Variants in ROCK1 observed in about 807,000 individuals in gnomAD.
ROCK1 encodes the protein rho-associated protein kinase 1.
Under a neutral mutation model 196.8 loss-of-function variants are expected in ROCK1, and 36 were observed. The ratio of observed to expected loss-of-function variants is 0.18; its 90% CI spans 0.14 to 0.24. ROCK1 has a LOEUF of 0.24. Ranked by LOEUF, ROCK1 falls within the 10% of genes least tolerant of loss-of-function variation. ROCK1 has a pLI of 1.00. For synonymous variants in ROCK1, 443 were observed against 515.9 expected (o/e 0.86, Z 1.91); for missense variants, 920 against 1,562.0 (o/e 0.59, Z 6.93).
intron 31 of ROCK1, among the ~76,000 whole-genome samples, chr18:20,954,437 G>A (rs1205621086): frequency 1.3e-5 from 2 of 149,666 alleles, no homozygotes; most frequent in African/African-American, 4.9e-5. Flanking sequence ...TTAGCCGGGT[G>A]TGGTGGCACA....
intron 22 of ROCK1, among the ~76,000 whole-genome samples, chr18:20,972,655 T>G (rs2035440210): frequency 6.6e-6 from 1 of 152,058 alleles, no homozygotes; most frequent in African/African-American, 2.4e-5. Flanking sequence ...AAGAGAGTAA[T>G]CAACTAAGTC....
intron 16 of ROCK1, among the ~76,000 whole-genome samples, chr18:21,005,179 T>C (rs964599147): frequency 9.2e-5 from 14 of 152,220 alleles, no homozygotes; most frequent in Non-Finnish European, 1.9e-4. Flanking sequence ...AGGAATCTTT[T>C]TGAAAACAAA....
intron 1 of ROCK1, among the ~76,000 whole-genome samples, chr18:21,071,996 T>G (rs1004863120): frequency 3.9e-5 from 6 of 152,230 alleles, no homozygotes; most frequent in African/African-American, 1.4e-4. Context: ...TTGAAAGCTC[T>G]GAATGTTAGT....
At chr18:21,028,177 G>A (rs2035976808) in intron 10 of ROCK1, among the ~76,000 whole-genome samples, 1 of 151,216 alleles carries the variant, frequency 6.6e-6, no homozygotes, top group Non-Finnish European at 1.5e-5. Flanking sequence ...CAGCACTTTG[G>A]GAGGCCGAGG....
Position 21,110,972 on chromosome 18 carries a change from A to G in ROCK1, c.-62T>C. ...CAGCAGCGGAAAGCAATTTCAACCA[A>G]CTTCCTCCGCGGTGGGTTCGCAGCC... On this transcript the variant is annotated 5_prime_UTR_variant, in exon 1 of 33. Coordinates refer to ENST00000399799, the MANE Select transcript of ROCK1 (RefSeq NM_005406.3). 7.1e-7 allele frequency: 1 copy of G among 1,409,310 alleles called. No individual in the cohort carries two copies. The highest frequency in any genetic ancestry group is 1.0e-6 in the Non-Finnish European group (1 of 997,042). 87.3% of individuals were successfully genotyped at this position (1,409,310 alleles called of 1,614,324 possible).
intron 9 of ROCK1, among the ~76,000 whole-genome samples, chr18:21,032,506 G>GTTTTTTTTGTTT (rs2036017306): frequency 7.7e-6 from 1 of 129,254 alleles, no homozygotes; most frequent in African/African-American, 2.9e-5. Flanking sequence ...AAATAGGAAA[G>GTTTTTTTTGTTT]TTTTTTTTTT....
intron 21 of ROCK1, among the ~76,000 whole-genome samples, chr18:20,981,439 G>A (rs1413913130): frequency 6.6e-6 from 1 of 152,052 alleles, no homozygotes; most frequent in Non-Finnish European, 1.5e-5. Flanking sequence ...CAAGTATTCT[G>A]CTAACATATC....
chr18:21,022,430 C>T (rs1023112794), intron 11 of ROCK1, among the ~76,000 whole-genome samples: 5 of 152,102 alleles, frequency 3.3e-5, no homozygotes, highest in Non-Finnish European at 7.4e-5. Flanking sequence ...TCCATTTCCC[C>T]CATTCCCTTC....
chr18:21,087,134 T>C (rs527776984), intron 1 of ROCK1, among the ~76,000 whole-genome samples: 33 of 152,162 alleles, frequency 2.2e-4, no homozygotes, highest in Non-Finnish European at 2.2e-4. Flanking sequence ...CTATGCCTAA[T>C]TTAATACCTA....
At chr18:20,987,610 T>C (rs986996264) in intron 18 of ROCK1, among the ~76,000 whole-genome samples, 1 of 152,184 alleles carries the variant, frequency 6.6e-6, no homozygotes, top group African/African-American at 2.4e-5. Context: ...TGGAATATAT[T>C]AGTCTACACT....
chr18:21,033,911 G>A (rs1441116473), intron 9 of ROCK1, among the ~76,000 whole-genome samples: 1 of 138,440 alleles, frequency 7.2e-6, no homozygotes, highest in African/African-American at 2.7e-5. Flanking sequence ...GCGGGTGCCT[G>A]TAGTCCCAGC....
intron 13 of ROCK1, among the ~76,000 whole-genome samples, chr18:21,015,075 T>G (rs1196553352): frequency 6.6e-6 from 1 of 152,224 alleles, no homozygotes; most frequent in East Asian, 1.9e-4. Context: ...TATTTTAAAC[T>G]GTATTTCTCT....
Position 21,028,851 on chromosome 18 carries a change from T to G in ROCK1, c.1136A>C (p.Glu379Ala), listed in dbSNP as rs2035983368. 6.2e-7 allele frequency: 1 copy of G among 1,612,804 alleles called. No homozygotes were observed. The highest frequency in any genetic ancestry group is 1.7e-5 in the Admixed American group (1 of 59,694). ...DDLEEDKGEE[E>A]TFPIPKAFVG... ...GAAAGCTTTAGGAATAGGGAATGTTTCTTCCTCTCCTTTATCTTCTTCCAA... is the reference window on the plus strand; with the variant it reads ...GAAAGCTTTAGGAATAGGGAATGTTGCTTCCTCTCCTTTATCTTCTTCCAA... Residue 379 changes from glutamate to alanine, a missense_variant, in exon 10 of 33, where the codon GAA becomes GCA. By Grantham distance (107) the Glu-to-Ala change is moderately radical. This residue lies in a region of ROCK1 where 234 missense variants were observed against 460.7 expected (regional missense o/e 0.51). Coordinates refer to ENST00000399799, the MANE Select transcript of ROCK1 (RefSeq NM_005406.3).
chr18:20,968,675 G>C, intron 25 of ROCK1, 97 bp downstream of exon 25: 1 of 730,846 alleles, frequency 1.4e-6, no homozygotes, highest in Non-Finnish European at 2.4e-6. Flanking sequence ...CTGATGAAAA[G>C]CTTGAACCTT....
intron 29 of ROCK1, among the ~76,000 whole-genome samples, chr18:20,957,147 G>T (rs1228893568): frequency 6.6e-6 from 1 of 152,072 alleles, no homozygotes; most frequent in Admixed American, 6.5e-5. Flanking sequence ...TTATAACCCA[G>T]GATTCCAATC....
intron 29 of ROCK1, among the ~76,000 whole-genome samples, chr18:20,958,995 AATAT>A (rs1310692754): frequency 1.2e-5 from 1 of 84,628 alleles, no homozygotes; most frequent in African/African-American, 5.0e-5. Flanking sequence ...TATAAAAAAT[AATAT>A]ATATATTTTA....
intron 22 of ROCK1, among the ~76,000 whole-genome samples, chr18:20,976,529 A>T (rs2035482614): frequency 6.6e-6 from 1 of 152,168 alleles, no homozygotes; most frequent in Non-Finnish European, 1.5e-5. Flanking sequence ...AGAAGGCGAG[A>T]TCTTCAGTTT....
At chr18:21,064,469 C>T (rs2036317527) in intron 2 of ROCK1, among the ~76,000 whole-genome samples, 1 of 152,212 alleles carries the variant, frequency 6.6e-6, no homozygotes, top group South Asian at 2.1e-4. Flanking sequence ...GTAAGAGCTA[C>T]AGTTTCTAAG....
chr18:21,085,344 A>AAAAAAAAAAAAAC, intron 1 of ROCK1, among the ~76,000 whole-genome samples: 1 of 14,586 alleles, frequency 6.9e-5, no homozygotes, highest in South Asian at 2.5e-3. Flanking sequence ...ACCCCATTTC[A>AAAAAAAAAAAAAC]AAAAAAAAAA....
Sources: gnomAD v4.1 joint callset for allele counts (sites outside exome capture counted in the v4.1 genomes callset) on GRCh38, gnomAD v4.1.1 for gene constraint, gnomAD v4.1.1 regional missense constraint, MANE v1.5 for transcripts, NCBI Gene and HGNC (gene_info 2026-07-23, HGNC 2026-07-21) for gene names.